FGF20: variants seen among roughly 807,000 people sequenced by gnomAD.
FGF20 encodes the protein fibroblast growth factor 20.
A neutral mutation model predicts 16.7 loss-of-function variants in FGF20; 8 were observed. The observed-to-expected ratio is 0.48, with a 90% CI of 0.28 to 0.87. FGF20 has a LOEUF of 0.87. Among genes scored for constraint, FGF20 ranks in the 40% least tolerant of loss-of-function variants. The probability of loss-of-function intolerance (pLI) is 0.10; values close to 1 mark genes in which losing one functional copy is unlikely to be tolerated. For missense variants in FGF20, 397 were observed against 281.4 expected (o/e 1.41, Z -2.94); for synonymous variants, 161 against 118.6 (o/e 1.36, Z -2.32).
intron 1 of FGF20, among the ~76,000 whole-genome samples, chr8:17,000,085 T>C (rs150035229): frequency 2.0e-5 from 3 of 152,218 alleles, no homozygotes; most frequent in Admixed American, 1.3e-4. Context: ...CTCAGGGCCA[T>C]GCACAGTGGC....
chr8:16,998,735 A>G (rs1810114303), intron 1 of FGF20, among the ~76,000 whole-genome samples: 1 of 152,140 alleles, frequency 6.6e-6, no homozygotes, highest in African/African-American at 2.4e-5. Context: ...GCCTTTAAAG[A>G]AATATGTTTG....
intron 2 of FGF20, among the ~76,000 whole-genome samples, chr8:16,993,684 A>T (rs191326681): frequency 6.6e-6 from 1 of 152,260 alleles, no homozygotes; most frequent in East Asian, 1.9e-4. Context: ...TGAAATAATT[A>T]CACAACTCAT....
chr8:17,001,648 G>T, intron 1 of FGF20, 99 bp downstream of exon 1: 1 of 1,334,890 alleles, frequency 7.5e-7, no homozygotes. Context: ...TCCGCGCGGC[G>T]ATGACGCCCT....
Position 17,001,636 on chromosome 8 carries a change from G to C in FGF20, c.286+111C>G, listed in dbSNP as rs946215901. 1.3e-5 allele frequency: 17 copies of C among 1,268,316 alleles called. No homozygotes were observed. In the African/African-American group the frequency reaches 2.5e-4, roughly 18 times the overall value. 78.6% of individuals were successfully genotyped at this position (1,268,316 alleles called of 1,614,324 possible). A position where few individuals can be genotyped will look rare whatever the true frequency, so the allele number is the denominator to read the frequency against. ...CCGGATGGGTCCAGGGGAGCTCCGG[G>C]CTCCGCGCGGCGATGACGCCCTTGG... is the stretch of plus-strand genomic sequence containing the variant. On this transcript the variant is annotated intron_variant, in intron 1 of 2. Coordinates refer to ENST00000180166, the MANE Select transcript of FGF20 (RefSeq NM_019851.3).
intron 1 of FGF20, among the ~76,000 whole-genome samples, chr8:16,997,433 G>A (rs1030034579): frequency 2.6e-4 from 40 of 152,230 alleles, no homozygotes; most frequent in African/African-American, 8.9e-4. Flanking sequence ...GTTTGGACAC[G>A]TGATACTCCC....
chr8:16,993,868 T>G (rs1809978126), intron 2 of FGF20, among the ~76,000 whole-genome samples: 1 of 152,058 alleles, frequency 6.6e-6, no homozygotes, highest in Non-Finnish European at 1.5e-5. Flanking sequence ...CTATGAGAAT[T>G]TAATGCTGCC....
rs776106762 is a variant in FGF20 at position 17,001,991 on chromosome 8, C to T, written c.42G>A (p.Leu14=). ...LAEVGGFLGG[L]EGLGQQVGSH... is the part of the protein sequence containing the mutation. Reference sequence around the variant, plus strand: ...AACCCACCTGCTGGCCCAAGCCCTCCAGGCCGCCCAGAAAGCCCCCGACTT... The same window carrying T: ...AACCCACCTGCTGGCCCAAGCCCTCTAGGCCGCCCAGAAAGCCCCCGACTT... Residue 14 remains leucine, a synonymous_variant, in exon 1 of 3, where the codon CTG becomes CTA. Coordinates refer to ENST00000180166, the MANE Select transcript of FGF20 (RefSeq NM_019851.3). The T allele has an allele frequency of 7.2e-6, 11 of 1,526,260 alleles. No individual in the cohort carries two copies. The highest frequency in any genetic ancestry group is 9.7e-6 in the Non-Finnish European group (11 of 1,137,060). 94.5% of individuals were successfully genotyped at this position (1,526,260 alleles called of 1,614,324 possible).
In FGF20 at chr8:16,992,410, A is replaced by G. The variant is rs1336556644; in HGVS notation, c.*662T>C. On this transcript the variant is annotated 3_prime_UTR_variant, in exon 3 of 3. Coordinates refer to ENST00000180166, the MANE Select transcript of FGF20 (RefSeq NM_019851.3). Reference sequence around the variant, plus strand: ...GACACCACAATAAAGTAATGGCACAATAACGGAAGTTTTGTTGTTTTTTAC... The same window carrying G: ...GACACCACAATAAAGTAATGGCACAGTAACGGAAGTTTTGTTGTTTTTTAC... The G allele has an allele frequency of 8.6e-5, 13 of 152,006 alleles. No homozygotes were observed. Among genetic ancestry groups the G allele is most frequent in the Admixed American group, 8.5e-4 (13 of 15,252 alleles). 9.4% of individuals were successfully genotyped at this position (152,006 alleles called of 1,614,324 possible). A position where few individuals can be genotyped will look rare whatever the true frequency, so the allele number is the denominator to read the frequency against.
chr8:16,999,688 A>ATTT (rs59591258), intron 1 of FGF20, among the ~76,000 whole-genome samples: 8,833 of 132,626 alleles, frequency 0.067, 551 homozygotes, highest in African/African-American at 0.17. Context: ...CGCCCAGCTA[A>ATTT]TTTTTTTTTT....
intron 1 of FGF20, among the ~76,000 whole-genome samples, chr8:16,996,031 C>A (rs1810035511): frequency 6.6e-6 from 1 of 152,144 alleles, no homozygotes; most frequent in African/African-American, 2.4e-5. Flanking sequence ...CGTGCTGGGA[C>A]AACAGGATGG....
chr8:16,993,719 C>G (rs1809974766), intron 2 of FGF20, among the ~76,000 whole-genome samples: 1 of 152,050 alleles, frequency 6.6e-6, no homozygotes, highest in Non-Finnish European at 1.5e-5. Context: ...AGTGGGAGCC[C>G]TGAGCTTGTT....
chr8:16,999,427 C>A (rs1272921185), intron 1 of FGF20, among the ~76,000 whole-genome samples: 1 of 152,018 alleles, frequency 6.6e-6, no homozygotes, highest in Non-Finnish European at 1.5e-5. Context: ...ACTAATCTCT[C>A]CCCATAGGGT....
At chr8:16,998,757 A>C (rs543746333) in intron 1 of FGF20, among the ~76,000 whole-genome samples, 19 of 152,230 alleles carry the variant, frequency 1.2e-4, no homozygotes, top group Admixed American at 1.2e-3. Context: ...TCTCAGGCTA[A>C]ACTTTTTTTT....
intron 1 of FGF20, among the ~76,000 whole-genome samples, chr8:16,997,702 A>T (rs1197562640): frequency 6.6e-6 from 1 of 152,238 alleles, no homozygotes; most frequent in Non-Finnish European, 1.5e-5. Flanking sequence ...GATAAGATAC[A>T]GCAAGAAGGC....
rs1465724434 is a variant in FGF20 at position 16,993,006 on chromosome 8, A to C, written c.*66T>G. 1 of 1,535,402 alleles carries C rather than the reference A, an allele frequency of 6.5e-7. No homozygotes were observed. Among genetic ancestry groups the C allele is most frequent in the Non-Finnish European group, 8.8e-7 (1 of 1,137,030 alleles). Reference sequence around the variant, plus strand: ...GAACGTCTCCTTGGGTCATTATTTTATGATGGGAACTATGACAAGAAAGAA... The same window carrying C: ...GAACGTCTCCTTGGGTCATTATTTTCTGATGGGAACTATGACAAGAAAGAA... On this transcript the variant is annotated 3_prime_UTR_variant, in exon 3 of 3. Transcript: ENST00000180166.
chr8:16,994,429 C>T (rs1809996471), intron 2 of FGF20, among the ~76,000 whole-genome samples: 1 of 151,998 alleles, frequency 6.6e-6, no homozygotes, highest in Non-Finnish European at 1.5e-5. Flanking sequence ...TGATAAACCA[C>T]AGTTGCTTTT....
At chr8:16,994,099 T>C (rs1809986658) in intron 2 of FGF20, among the ~76,000 whole-genome samples, 1 of 152,118 alleles carries the variant, frequency 6.6e-6, no homozygotes, top group Non-Finnish European at 1.5e-5. Context: ...TATTTTCAAA[T>C]ACCTAAAAAA....
Position 16,992,845 on chromosome 8 carries a change from C to G in FGF20, c.*227G>C, listed in dbSNP as rs900067949. The G allele has an allele frequency of 2.4e-5, 12 of 495,824 alleles. No individual in the cohort carries two copies. Among genetic ancestry groups the G allele is most frequent in the Non-Finnish European group, 3.9e-5 (11 of 285,248 alleles). The allele number at this position is 495,824 out of a possible 1,614,324, so 30.7% of individuals were successfully genotyped here. ...CTTCAGTCTACTGGTAAGGACTAAT[C>G]CAATGTATCTAAGGGAACTTAATCC... On this transcript the variant is annotated 3_prime_UTR_variant, in exon 3 of 3. Transcript: ENST00000180166.
intron 1 of FGF20, among the ~76,000 whole-genome samples, chr8:17,001,445 G>C (rs1183360138): frequency 6.6e-6 from 1 of 151,978 alleles, no homozygotes; most frequent in African/African-American, 2.4e-5. Flanking sequence ...GCAGTGGGAA[G>C]GGCAAGGGGA....
Sources: allele counts gnomAD v4.1 joint callset (sites outside exome capture counted in the v4.1 genomes callset), GRCh38; gene constraint gnomAD v4.1.1; transcripts MANE v1.5; gene names NCBI Gene and HGNC (gene_info 2026-07-23, HGNC 2026-07-21).